The following GNAO1 variants were observed in gnomAD, a reference collection of about 807,000 sequenced individuals.
The protein encoded by GNAO1 is guanine nucleotide-binding protein G(o) subunit alpha.
For missense variants in GNAO1, 166 were observed against 478.7 expected (o/e 0.35, Z 6.10); for synonymous variants, 164 against 180.7 (o/e 0.91, Z 0.74).
chr16:56,318,413 G>T (rs2037535835), intron 3 of GNAO1, among the ~76,000 whole-genome samples: 1 of 152,336 alleles, frequency 6.6e-6, no homozygotes, highest in South Asian at 2.1e-4. Flanking sequence ...ATGGCCGCCG[G>T]GCCCGGCCCT....
chr16:56,297,522 GGTGTGT>G (rs10545712), intron 3 of GNAO1, among the ~76,000 whole-genome samples: 9,689 of 134,320 alleles, frequency 0.072, 412 homozygotes, highest in East Asian at 0.18. Context: ...TTGTCTAACT[GGTGTGT>G]GTGTGTGTGT....
chr16:56,240,948 G>T (rs2036688401), intron 2 of GNAO1, among the ~76,000 whole-genome samples: 1 of 152,182 alleles, frequency 6.6e-6, no homozygotes, highest in African/African-American at 2.4e-5. Context: ...GACAGTCAAG[G>T]CCAGGATGCC....
chr16:56,293,149 A>G (rs890269944), intron 3 of GNAO1, among the ~76,000 whole-genome samples: 1 of 152,250 alleles, frequency 6.6e-6, no homozygotes, highest in East Asian at 1.9e-4. Flanking sequence ...AGGGAAGTCT[A>G]TGAAATGCCT....
In GNAO1 at chr16:56,351,661, C is replaced by G. The variant is rs551243250; in HGVS notation, c.877+124C>G. The stretch of plus-strand genomic sequence containing the variant: ...GGCGAGCGGGACCCATTGCAGGAGA[C>G]TGGTGGGGCGCAAAAGAAAAACAGT... On this transcript the variant is annotated intron_variant, in intron 7 of 8. Transcript: ENST00000262493. The surrounding 1 kb of genome is among the most constrained non-coding windows in gnomAD (Gnocchi z 6.1). 1.4e-6 allele frequency: 1 copy of G among 719,310 alleles called. No individual in the cohort carries two copies. 44.6% of individuals were successfully genotyped at this position (719,310 alleles called of 1,614,324 possible).
intron 6 of GNAO1, among the ~76,000 whole-genome samples, chr16:56,342,051 T>G (rs1402615578): frequency 6.6e-6 from 1 of 152,196 alleles, no homozygotes; most frequent in African/African-American, 2.4e-5. Flanking sequence ...GACCCAGGCA[T>G]GTCCAGCTGG....
At chr16:56,227,066 G>A (rs998883666) in intron 2 of GNAO1, among the ~76,000 whole-genome samples, 2 of 152,118 alleles carry the variant, frequency 1.3e-5, no homozygotes, top group Admixed American at 1.3e-4. Context: ...GGGTGTGGCG[G>A]GTAGGGAAAA....
intron 2 of GNAO1, among the ~76,000 whole-genome samples, chr16:56,268,412 G>A (rs545886077): frequency 1.3e-5 from 2 of 152,310 alleles, no homozygotes; most frequent in Admixed American, 6.5e-5. Flanking sequence ...GCTTTAAGTC[G>A]GAAGAGACCT....
Position 56,300,544 on chromosome 16 carries a change from C to G in GNAO1, c.303+24472C>G, listed in dbSNP as rs544005517. On this transcript the variant is annotated intron_variant, in intron 3 of 8. Coordinates refer to ENST00000262493, the MANE Select transcript of GNAO1 (RefSeq NM_020988.3). ...GGGACTATTTAAACAGATTAGAATG[C>G]TAAGGTTTTGTGAGGTCACACAGAG... is the stretch of plus-strand genomic sequence containing the variant. 8 of 152,260 alleles carry G rather than the reference C, an allele frequency of 5.3e-5. No individual in the cohort carries two copies. In the South Asian group the frequency reaches 1.7e-3, roughly 32 times the overall value. The allele number at this position is 152,260 out of a possible 1,614,324, so 9.4% of individuals were successfully genotyped here.
intron 3 of GNAO1, among the ~76,000 whole-genome samples, chr16:56,327,902 A>G (rs2037651947): frequency 6.6e-6 from 1 of 152,114 alleles, no homozygotes; most frequent in South Asian, 2.1e-4. Flanking sequence ...GCCCCCAGAG[A>G]AAGGTAGGCC....
intron 2 of GNAO1, among the ~76,000 whole-genome samples, chr16:56,241,408 T>C (rs75930900): frequency 0.071 from 10,762 of 152,252 alleles, 414 homozygotes; most frequent in South Asian, 0.092. Context: ...CTTTTAGTTC[T>C]CTTCCAGTGC....
At chr16:56,319,569 G>A (rs1484437328) in intron 3 of GNAO1, among the ~76,000 whole-genome samples, 1 of 152,110 alleles carries the variant, frequency 6.6e-6, no homozygotes, top group Non-Finnish European at 1.5e-5. Context: ...TGCGCACCAT[G>A]GGCTGTTATA....
intron 2 of GNAO1, among the ~76,000 whole-genome samples, chr16:56,198,387 A>G (rs1326007348): frequency 1.3e-5 from 2 of 152,238 alleles, no homozygotes; most frequent in Non-Finnish European, 2.9e-5. Context: ...ACTGAGGGGA[A>G]GGAGAGGAGA....
intron 6 of GNAO1, among the ~76,000 whole-genome samples, chr16:56,338,714 G>A (rs1277138266): frequency 6.6e-6 from 1 of 152,212 alleles, no homozygotes; most frequent in Non-Finnish European, 1.5e-5. Context: ...CTGGGCTCTC[G>A]CTCACCTCTG....
intron 4 of GNAO1, among the ~76,000 whole-genome samples, chr16:56,331,916 G>T (rs145346636): frequency 6.4e-4 from 98 of 152,218 alleles, no homozygotes; most frequent in South Asian, 2.7e-3. Context: ...GCTGCTCTGT[G>T]TGCTCCTCCC....
chr16:56,202,879 G>A (rs1430239940), intron 2 of GNAO1, among the ~76,000 whole-genome samples: 2 of 152,140 alleles, frequency 1.3e-5, no homozygotes, highest in Non-Finnish European at 2.9e-5. Flanking sequence ...CTGGGTGCTC[G>A]GAGTGTCAGT....
At chr16:56,216,788 A>G (rs2036440435) in intron 2 of GNAO1, among the ~76,000 whole-genome samples, 1 of 152,252 alleles carries the variant, frequency 6.6e-6, no homozygotes, top group Non-Finnish European at 1.5e-5. Flanking sequence ...TTCAGCAGGT[A>G]GGCTCTGGAG....
rs1055638792 is a variant in GNAO1 at position 56,326,702 on chromosome 16, G to A, written c.304-1929G>A. Among the ~76,000 whole-genome samples, 1 of 152,238 alleles carries A rather than the reference G, an allele frequency of 6.6e-6. No homozygotes were observed. Among genetic ancestry groups the A allele is most frequent in the Non-Finnish European group, 1.5e-5 (1 of 68,040 alleles). On this transcript the variant is annotated intron_variant, in intron 3 of 8. Coordinates refer to ENST00000262493, the MANE Select transcript of GNAO1 (RefSeq NM_020988.3). The surrounding 1 kb of genome is among the most constrained non-coding windows in gnomAD (Gnocchi z 4.8). Reference sequence around the variant, plus strand: ...ATTTGCCCATTCCTGTCTGTCCGGGGCACCGACTCAAACTGCAGCCAGCTA... The same window carrying A: ...ATTTGCCCATTCCTGTCTGTCCGGGACACCGACTCAAACTGCAGCCAGCTA...
chr16:56,233,097 G>A (rs2036605822), intron 2 of GNAO1, among the ~76,000 whole-genome samples: 1 of 152,190 alleles, frequency 6.6e-6, no homozygotes, highest in Non-Finnish European at 1.5e-5. Flanking sequence ...ACTTAATCTA[G>A]CTGTGTCTGT....
intron 2 of GNAO1, among the ~76,000 whole-genome samples, chr16:56,261,222 C>T (rs2036900770): frequency 6.6e-6 from 1 of 152,190 alleles, no homozygotes; most frequent in Non-Finnish European, 1.5e-5. Flanking sequence ...CCTGAGGAGC[C>T]CCCATTTGGG....
Sources: allele counts gnomAD v4.1 joint callset (sites outside exome capture counted in the v4.1 genomes callset), GRCh38; gene constraint gnomAD v4.1.1; non-coding constraint Gnocchi (gnomAD v3.1); transcripts MANE v1.5; gene names NCBI Gene and HGNC (gene_info 2026-07-23, HGNC 2026-07-21).